The following VPS13A variants were observed in gnomAD, a reference collection of about 807,000 sequenced individuals.
VPS13A encodes the protein intermembrane lipid transfer protein VPS13A.
In VPS13A, 264 loss-of-function variants were observed where a neutral mutation model predicts 390.9. The ratio of observed to expected loss-of-function variants is 0.68; its 90% CI spans 0.61 to 0.75. VPS13A has a LOEUF of 0.75. Among genes scored for constraint, VPS13A ranks in the 30% least tolerant of loss-of-function variants. The pLI is 0.00. For synonymous variants in VPS13A, 1,231 were observed against 1,227.1 expected (o/e 1.00, Z -0.07); for missense variants, 3,409 against 3,733.9 (o/e 0.91, Z 2.27).
chr9:77,214,758 A>G (rs1213707900), intron 10 of VPS13A, among the ~76,000 whole-genome samples: 1 of 152,194 alleles, frequency 6.6e-6, no homozygotes, highest in Non-Finnish European at 1.5e-5. Context: ...ATCACGCTGC[A>G]TTTAAAATTT....
At chr9:77,244,122 C>G (rs1824667202) in intron 19 of VPS13A, among the ~76,000 whole-genome samples, 1 of 152,058 alleles carries the variant, frequency 6.6e-6, no homozygotes, top group South Asian at 2.1e-4. Context: ...CCTATCGTCC[C>G]AGCTACTTGG....
Position 77,371,284 on chromosome 9 carries a change from G to A in VPS13A, c.9077+135G>A, listed in dbSNP as rs1348214338. 2.3e-6 allele frequency: 3 copies of A among 1,277,992 alleles called. No homozygotes were observed. In the African/African-American group the frequency reaches 4.5e-5, roughly 19 times the overall value. 79.2% of individuals were successfully genotyped at this position (1,277,992 alleles called of 1,614,324 possible). On this transcript the variant is annotated intron_variant, in intron 67 of 71. Transcript: ENST00000360280. ...CTATAACATACCACATAATACCACAGACTGGGTAATTTATAATGAACAGAA... is the reference window on the plus strand; with the variant it reads ...CTATAACATACCACATAATACCACAAACTGGGTAATTTATAATGAACAGAA...
chr9:77,374,482 C>A (rs12002688), intron 67 of VPS13A, among the ~76,000 whole-genome samples: 50 of 152,218 alleles, frequency 3.3e-4, no homozygotes, highest in African/African-American at 1.2e-3. Flanking sequence ...AGGGATGATT[C>A]ATATCCCAGG....
At chr9:77,275,744 T>G in intron 25 of VPS13A, 92 bp downstream of exon 25, 1 of 1,395,352 alleles carries the variant, frequency 7.2e-7, no homozygotes, top group South Asian at 1.2e-5. Context: ...AGAAGCACTA[T>G]CTTTTTCACC....
At chr9:77,275,786 A>T in intron 25 of VPS13A, 134 bp downstream of exon 25, 2 of 1,081,664 alleles carry the variant, frequency 1.8e-6, no homozygotes, top group Non-Finnish European at 2.7e-6. Context: ...TTGCTGTGTG[A>T]TTCTTGGTCA....
chr9:77,241,504 C>T (rs1303280605), intron 19 of VPS13A, among the ~76,000 whole-genome samples: 2 of 148,208 alleles, frequency 1.3e-5, no homozygotes, highest in Non-Finnish European at 3.0e-5. Flanking sequence ...AATTCTCTCT[C>T]TTCAGATAGT....
At chr9:77,203,413 G>A (rs1026896545) in intron 3 of VPS13A, among the ~76,000 whole-genome samples, 14 of 151,954 alleles carry the variant, frequency 9.2e-5, no homozygotes, top group Admixed American at 2.0e-4. Context: ...CTCAGTCCCC[G>A]AGTAGCTGGG....
At chr9:77,351,205 A>T in intron 52 of VPS13A, 112 bp from the exon 53 acceptor site, 2 of 1,413,130 alleles carry the variant, frequency 1.4e-6, no homozygotes, top group Non-Finnish European at 2.0e-6. Flanking sequence ...TTTTAATCAG[A>T]ACGATCACAG....
intron 1 of VPS13A, among the ~76,000 whole-genome samples, chr9:77,185,184 C>T (rs932397060): frequency 6.6e-6 from 1 of 151,948 alleles, no homozygotes; most frequent in Non-Finnish European, 1.5e-5. Context: ...GCTCTGTCGC[C>T]AGGCTGGAGT....
chr9:77,416,053 C>T lies in VPS13A; in HGVS notation c.*47C>T. 1 of 1,604,714 alleles carries T rather than the reference C, an allele frequency of 6.2e-7. No individual in the cohort carries two copies. The highest frequency in any genetic ancestry group is 8.5e-7 in the Non-Finnish European group (1 of 1,171,882). The stretch of plus-strand genomic sequence containing the variant: ...ACACAGCAATAAGTGATTACAGCTC[C>T]TAGACTACCTTCCAAAACCTGTTTG... On this transcript the variant is annotated 3_prime_UTR_variant, in exon 72 of 72. Coordinates refer to ENST00000360280, the MANE Select transcript of VPS13A (RefSeq NM_033305.3).
intron 1 of VPS13A, among the ~76,000 whole-genome samples, chr9:77,195,758 C>T (rs868303913): frequency 6.6e-6 from 1 of 151,906 alleles, no homozygotes; most frequent in Non-Finnish European, 1.5e-5. Flanking sequence ...AAAAAGAAAA[C>T]GAATGCTTTA....
intron 50 of VPS13A, among the ~76,000 whole-genome samples, chr9:77,343,450 G>C (rs1830951357): frequency 6.6e-6 from 1 of 152,170 alleles, no homozygotes. Flanking sequence ...TATATGAAGG[G>C]ATCAGTCTGG....
intron 68 of VPS13A, among the ~76,000 whole-genome samples, chr9:77,399,167 T>G (rs1587719325): frequency 1.2e-5 from 1 of 86,060 alleles, no homozygotes; most frequent in African/African-American, 4.1e-5. Context: ...TAGAGTATAA[T>G]AAAAAAAAAA....
At chr9:77,270,241 T>A (rs1018593752) in intron 23 of VPS13A, among the ~76,000 whole-genome samples, 14 of 152,204 alleles carry the variant, frequency 9.2e-5, no homozygotes, top group Non-Finnish European at 1.6e-4. Flanking sequence ...ATTCTATCGT[T>A]TAATAAATTA....
intron 68 of VPS13A, among the ~76,000 whole-genome samples, chr9:77,394,300 C>T (rs1465000137): frequency 6.6e-6 from 1 of 151,638 alleles, no homozygotes; most frequent in Non-Finnish European, 1.5e-5. Flanking sequence ...CTCTTGTGCT[C>T]AAGCGATCCG....
chr9:77,278,279 G>T (rs1449246803), intron 26 of VPS13A, among the ~76,000 whole-genome samples: 7 of 149,210 alleles, frequency 4.7e-5, no homozygotes. Flanking sequence ...TAGAGACGGG[G>T]TTTCACCATA....
At chr9:77,182,229 G>T (rs1003505483) in intron 1 of VPS13A, among the ~76,000 whole-genome samples, 5 of 152,142 alleles carry the variant, frequency 3.3e-5, no homozygotes, top group African/African-American at 1.2e-4. Flanking sequence ...GAGTAGCTGG[G>T]ATTAAAGGTG....
At position 77,323,240 on chromosome 9, in the gene VPS13A, C is replaced by A; in HGVS notation, c.5991+13C>A. 1.2e-6 allele frequency: 2 copies of A among 1,612,290 alleles called. No individual in the cohort carries two copies. The highest frequency in any genetic ancestry group is 2.2e-5 in the South Asian group (2 of 90,984). On this transcript the variant is annotated intron_variant, in intron 45 of 71. Transcript: ENST00000360280. Reference sequence around the variant, plus strand: ...CTCCCCAGTGCAGGTATGAAATGATCAATTTTGGGGGATGTCCTGTTATGC... The same window carrying A: ...CTCCCCAGTGCAGGTATGAAATGATAAATTTTGGGGGATGTCCTGTTATGC...
chr9:77,405,979 G>A lies in VPS13A; in HGVS notation c.9391G>A (p.Glu3131Lys). 1 of 1,613,742 alleles carries A rather than the reference G, an allele frequency of 6.2e-7. No homozygotes were observed. The highest frequency in any genetic ancestry group is 8.5e-7 in the Non-Finnish European group (1 of 1,179,948). The change falls in exon 70 of 72, where the codon GAA (glutamate) becomes AAA (lysine). Residue 3131 changes from glutamate (E) to lysine (K), a missense_variant. Physicochemically the swap from Glu to Lys is moderately conservative, Grantham distance 56. Around this residue, in one of 5 missense-constraint regions of VPS13A, gnomAD observed 318 missense variants for 333.7 expected, o/e 0.95. Transcript: ENST00000360280. The part of the protein sequence containing the change: ...FIVHGRRLRI[E>K]AKERVKSVFH... ...TGTTCATGGGAGAAGATTGCGCATT[G>A]AAGCAAAGGTATGTTGAATAGATTT...
Sources: allele counts gnomAD v4.1 joint callset (sites outside exome capture counted in the v4.1 genomes callset), GRCh38; gene constraint gnomAD v4.1.1; regional missense constraint gnomAD v4.1.1; transcripts MANE v1.5; gene names NCBI Gene and HGNC (gene_info 2026-07-23, HGNC 2026-07-21).